IQUB: variants seen among roughly 807,000 people sequenced by gnomAD.
IQUB encodes IQ motif and ubiquitin domain containing.
In IQUB, 86 loss-of-function variants were observed where a neutral mutation model predicts 86.4. The observed-to-expected ratio is 1.00, with a 90% confidence interval of 0.84 to 1.19. IQUB has a LOEUF of 1.19. Among genes scored for constraint, IQUB ranks in the 50% most tolerant of loss-of-function variants. The pLI, the probability that IQUB is intolerant of heterozygous loss-of-function variation, is 0.00. For synonymous variants in IQUB, 289 were observed against 304.5 expected, an observed-to-expected ratio of 0.95 and a Z score of 0.53; for missense variants, 946 against 916.9, an observed-to-expected ratio of 1.03 and a Z score of -0.41.
chr7:123,510,118 T>A, intron 2 of IQUB, 83 bp from the exon 3 acceptor site: 1 of 840,224 alleles, frequency 1.2e-6, no homozygotes, highest in Non-Finnish European at 1.8e-6. Flanking sequence ...GATACAGAAT[T>A]ATGTGTTAAT....
intron 3 of IQUB, among the ~76,000 whole-genome samples, chr7:123,508,541 T>C (rs918849250): frequency 1.1e-4 from 16 of 152,212 alleles, no homozygotes; most frequent in African/African-American, 3.9e-4. Flanking sequence ...TCAAGCTCTT[T>C]TGTAATTCCT....
At chr7:123,516,445 C>G (rs555971297) in intron 1 of IQUB, among the ~76,000 whole-genome samples, 1 of 151,946 alleles carries the variant, frequency 6.6e-6, no homozygotes, top group Admixed American at 6.6e-5. Flanking sequence ...TTTTATGTGG[C>G]TTTCTGATTT....
At chr7:123,527,918 C>G (rs1464098876) in intron 1 of IQUB, among the ~76,000 whole-genome samples, 2 of 152,234 alleles carry the variant, frequency 1.3e-5, no homozygotes, top group African/African-American at 4.8e-5. Flanking sequence ...CCCAGCCTCG[C>G]TGCCGCCTTG....
chr7:123,533,281 C>T (rs77756972), intron 1 of IQUB, among the ~76,000 whole-genome samples: 1,669 of 152,186 alleles, frequency 0.011, 54 homozygotes, highest in East Asian at 0.072. Flanking sequence ...AAATGAGTTC[C>T]CAGAATTAGA....
At chr7:123,497,788 T>A (rs938523341) in intron 6 of IQUB, among the ~76,000 whole-genome samples, 1 of 149,234 alleles carries the variant, frequency 6.7e-6, no homozygotes, top group East Asian at 2.0e-4. Context: ...CCCAAAAGAA[T>A]AGAAACTTTG....
At chr7:123,462,698 AT>A (rs1241577456) in intron 10 of IQUB, 2 of 321,640 alleles carry the variant, frequency 6.2e-6, no homozygotes, top group Non-Finnish European at 1.3e-5. Context: ...ATCTTGAATG[AT>A]TATTTTATCT....
At chr7:123,494,775 A>C (rs1312443547) in intron 7 of IQUB, among the ~76,000 whole-genome samples, 1 of 152,104 alleles carries the variant, frequency 6.6e-6, no homozygotes. Flanking sequence ...TCTGAAGTAG[A>C]CAGGCCAAAA....
At chr7:123,462,862 T>G (rs1276351491) in intron 10 of IQUB, 1 of 455,002 alleles carries the variant, frequency 2.2e-6, no homozygotes, top group Non-Finnish European at 4.4e-6. Flanking sequence ...AAATAACTCA[T>G]TCTTATTATG....
intron 7 of IQUB, among the ~76,000 whole-genome samples, chr7:123,493,109 T>C (rs1186281078): frequency 4.6e-5 from 7 of 152,174 alleles, no homozygotes; most frequent in Non-Finnish European, 1.0e-4. Flanking sequence ...TCTAGTTCTC[T>C]AGGTTTCTTT....
chr7:123,470,465 T>C (rs943091484), intron 8 of IQUB, among the ~76,000 whole-genome samples: 1 of 152,200 alleles, frequency 6.6e-6, no homozygotes, highest in Non-Finnish European at 1.5e-5. Flanking sequence ...AGATGTGATC[T>C]AATGTAAGGT....
In IQUB at chr7:123,465,010, CTA is replaced by C; in HGVS notation, c.1582-3_1582-2del. 6.5e-7 allele frequency: 1 copy of C among 1,532,678 alleles called. No homozygotes were observed. Among genetic ancestry groups the C allele is most frequent in the Non-Finnish European group, 8.8e-7 (1 of 1,133,500 alleles). The allele number at this position is 1,532,678 out of a possible 1,614,324, so 94.9% of individuals were successfully genotyped here. On this transcript the variant is annotated splice_acceptor_variant and splice_polypyrimidine_tract_variant and intron_variant, in intron 9 of 12. Coordinates refer to ENST00000324698, the MANE Select transcript of IQUB (RefSeq NM_178827.5). LOFTEE classifies it high-confidence loss of function. ...CCTGAGTTAGTTTACATTCATGTTC[CTA>C]TATAAAACACAAAAATATATGGTAT...
chr7:123,457,415 G>T lies in IQUB; in HGVS notation c.2159C>A (p.Ala720Glu). The T allele has an allele frequency of 6.2e-7, 1 of 1,611,998 alleles. No individual in the cohort carries two copies. The highest frequency in any genetic ancestry group is 8.5e-7 in the Non-Finnish European group (1 of 1,178,838). Residue 720 changes from alanine (A) to glutamate (E), a missense_variant, in exon 12 of 13, where the codon GCA becomes GAA. Coordinates refer to ENST00000324698, the MANE Select transcript of IQUB (RefSeq NM_178827.5). The stretch of plus-strand genomic sequence containing the variant: ...ACTTGTTAGCTTGAGATGAGCAGCT[G>T]CTTCATCTTTGGTAAGAAGAATGCA... ...WNCILLTKDE[A>E]AAHLKLTSIE... is the part of the protein sequence containing the mutation.
At chr7:123,483,542 T>C (rs1050919275) in intron 7 of IQUB, among the ~76,000 whole-genome samples, 13 of 152,088 alleles carry the variant, frequency 8.5e-5, no homozygotes, top group Non-Finnish European at 1.6e-4. Context: ...TCAATAATTT[T>C]TGAGCAATTA....
At chr7:123,481,171 G>T (rs1358484499) in intron 7 of IQUB, among the ~76,000 whole-genome samples, 1 of 152,072 alleles carries the variant, frequency 6.6e-6, no homozygotes, top group Non-Finnish European at 1.5e-5. Context: ...ACTAGCCTGT[G>T]AGGCAACACG....
intron 1 of IQUB, among the ~76,000 whole-genome samples, chr7:123,516,311 A>G (rs141329182): frequency 6.6e-6 from 1 of 152,356 alleles, no homozygotes; most frequent in East Asian, 1.9e-4. Context: ...TGGCTGTATA[A>G]AAATAATGTC....
intron 12 of IQUB, among the ~76,000 whole-genome samples, chr7:123,454,402 A>G (rs1793593774): frequency 6.6e-6 from 1 of 152,006 alleles, no homozygotes; most frequent in South Asian, 2.1e-4. Context: ...TTGTTAAGTA[A>G]AGCAAAGAAA....
At chr7:123,465,561 T>A (rs932009771) in intron 9 of IQUB, among the ~76,000 whole-genome samples, 9 of 151,964 alleles carry the variant, frequency 5.9e-5, no homozygotes, top group African/African-American at 2.2e-4. Flanking sequence ...TATAAAGTAA[T>A]AGAAATGAGT....
chr7:123,493,774 T>TGTGCGC (rs1449280726), intron 7 of IQUB, among the ~76,000 whole-genome samples: 3 of 144,742 alleles, frequency 2.1e-5, no homozygotes, highest in Non-Finnish European at 4.6e-5. Flanking sequence ...TGTGTGTGTG[T>TGTGCGC]GCATGTGTGT....
chr7:123,477,244 T>C (rs1168840963), intron 8 of IQUB, among the ~76,000 whole-genome samples: 4 of 152,032 alleles, frequency 2.6e-5, no homozygotes, highest in East Asian at 1.9e-4. Flanking sequence ...AACAGAGAGA[T>C]AGACCAATGG....
Sources: gnomAD v4.1 joint callset for allele counts (sites outside exome capture counted in the v4.1 genomes callset) on GRCh38, gnomAD v4.1.1 for gene constraint, MANE v1.5 for transcripts, NCBI Gene and HGNC (gene_info 2026-07-23, HGNC 2026-07-21) for gene names.